Variants in METTL15 observed in about 807,000 individuals in gnomAD.
The protein encoded by METTL15 is 12S rRNA N(4)-cytidine methyltransferase METTL15.
A neutral mutation model predicts 38.3 loss-of-function variants in METTL15; 34 were observed. The observed-to-expected ratio is 0.89, with a 90% CI of 0.68 to 1.18. The LOEUF (loss-of-function observed/expected upper bound fraction) is 1.18. METTL15 is among the 50% of genes most tolerant of loss of function. METTL15 has a pLI of 0.00. For missense variants in METTL15, 438 were observed against 498.4 expected, an observed-to-expected ratio of 0.88 and a Z score of 1.15; for synonymous variants, 162 against 170.9, an observed-to-expected ratio of 0.95 and a Z score of 0.41.
At chr11:28,163,781 G>A in intron 3 of METTL15, 1 of 210,750 alleles carries the variant, frequency 4.7e-6, no homozygotes, top group African/African-American at 2.3e-5. Flanking sequence ...TCTGTAGCCT[G>A]GAAGCTTTTT....
intron 6 of METTL15, among the ~76,000 whole-genome samples, chr11:28,445,260 A>G (rs1851065764): frequency 6.6e-6 from 1 of 152,218 alleles, no homozygotes; most frequent in South Asian, 2.1e-4. Context: ...ACTTGTAAGA[A>G]TAGTGCAAAG....
intron 4 of METTL15, among the ~76,000 whole-genome samples, chr11:28,247,552 G>T (rs1385956263): frequency 6.6e-6 from 1 of 152,044 alleles, no homozygotes; most frequent in Non-Finnish European, 1.5e-5. Flanking sequence ...CAGTCAATTT[G>T]CATCTTTTGT....
chr11:28,502,056 T>A (rs1006641792), intron 6 of METTL15, among the ~76,000 whole-genome samples: 10 of 146,904 alleles, frequency 6.8e-5, no homozygotes, highest in African/African-American at 2.3e-4. Context: ...AGCGGAGATC[T>A]CGCCACTGCA....
At position 28,123,785 on chromosome 11, in the gene METTL15, A is replaced by G. The variant is rs369377316; in HGVS notation, c.270+10181A>G. On this transcript the variant is annotated intron_variant, in intron 3 of 6. Coordinates refer to ENST00000407364, the MANE Select transcript of METTL15 (RefSeq NM_001113528.2). ...TCCTATTTGGCCTGTGTCATCTGTAATAGGTTTCTATATAATTAAATTTCA... is the reference window on the plus strand; with the variant it reads ...TCCTATTTGGCCTGTGTCATCTGTAGTAGGTTTCTATATAATTAAATTTCA... The G allele has an allele frequency of 4.7e-5, 51 of 1,092,816 alleles. No individual in the cohort carries two copies. In the East Asian group the frequency reaches 1.2e-3, roughly 26 times the overall value. 67.7% of individuals were successfully genotyped at this position (1,092,816 alleles called of 1,614,324 possible). A position where few individuals can be genotyped will look rare whatever the true frequency, so the allele number is the denominator to read the frequency against.
intron 3 of METTL15, among the ~76,000 whole-genome samples, chr11:28,151,357 T>G (rs1250187686): frequency 1.3e-5 from 2 of 151,962 alleles, no homozygotes; most frequent in African/African-American, 2.4e-5. Context: ...TCAATATATC[T>G]TTTAATTTAC....
chr11:28,190,426 T>G (rs1318743052), intron 3 of METTL15, among the ~76,000 whole-genome samples: 1 of 151,258 alleles, frequency 6.6e-6, no homozygotes, highest in African/African-American at 2.4e-5. Context: ...AATGAGTTAT[T>G]TCAAGACTAC....
chr11:28,506,560 T>G (rs1851628663), intron 6 of METTL15, among the ~76,000 whole-genome samples: 1 of 152,182 alleles, frequency 6.6e-6, no homozygotes, highest in Non-Finnish European at 1.5e-5. Context: ...TCAATATTTA[T>G]GCCTAACCCA....
At chr11:28,257,210 C>T (rs1402791986) in intron 4 of METTL15, among the ~76,000 whole-genome samples, 1 of 152,176 alleles carries the variant, frequency 6.6e-6, no homozygotes, top group Non-Finnish European at 1.5e-5. Context: ...CTTCATGCCA[C>T]TCTTGCCTGG....
At chr11:28,365,861 C>G (rs957391443) in intron 5 of METTL15, among the ~76,000 whole-genome samples, 1 of 152,042 alleles carries the variant, frequency 6.6e-6, no homozygotes, top group Non-Finnish European at 1.5e-5. Flanking sequence ...ACCTTCCTGG[C>G]TAACATGGTG....
At chr11:28,210,886 C>G (rs567164796) in intron 3 of METTL15, among the ~76,000 whole-genome samples, 176 bp from the exon 4 acceptor site, 5 of 151,956 alleles carry the variant, frequency 3.3e-5, no homozygotes, top group Non-Finnish European at 7.4e-5. Flanking sequence ...ACTTATCACT[C>G]ATAATTGAGC....
chr11:28,289,857 A>G (rs1265593879), intron 4 of METTL15, among the ~76,000 whole-genome samples: 2 of 152,134 alleles, frequency 1.3e-5, no homozygotes, highest in African/African-American at 2.4e-5. Context: ...ATAGAATGAC[A>G]TATGCTTTTT....
intron 4 of METTL15, among the ~76,000 whole-genome samples, chr11:28,250,370 A>G (rs1300168411): frequency 6.6e-6 from 1 of 151,914 alleles, no homozygotes; most frequent in African/African-American, 2.4e-5. Context: ...TTTCTCTCCA[A>G]CCTTACTAGC....
chr11:28,215,594 C>T (rs1287643194), intron 4 of METTL15, among the ~76,000 whole-genome samples: 1 of 151,836 alleles, frequency 6.6e-6, no homozygotes, highest in Non-Finnish European at 1.5e-5. Flanking sequence ...CACAACAGCT[C>T]CTAAAATTGT....
At chr11:28,300,131 G>T (rs1194195591) in intron 6 of METTL15, among the ~76,000 whole-genome samples, 1 of 152,054 alleles carries the variant, frequency 6.6e-6, no homozygotes, top group Non-Finnish European at 1.5e-5. Context: ...CATGAATTGT[G>T]GGGGACTCTA....
chr11:28,398,059 A>T (rs990949629), intron 5 of METTL15, among the ~76,000 whole-genome samples: 3 of 151,836 alleles, frequency 2.0e-5, no homozygotes, highest in Admixed American at 6.6e-5. Flanking sequence ...TGGACCAGGA[A>T]GGGGAATATC....
At chr11:28,501,024 T>C (rs928316774) in intron 6 of METTL15, among the ~76,000 whole-genome samples, 1 of 152,222 alleles carries the variant, frequency 6.6e-6, no homozygotes, top group South Asian at 2.1e-4. Context: ...GGAACTAATA[T>C]ACTAAATATC....
chr11:28,430,062 G>A (rs1356998794), intron 6 of METTL15, among the ~76,000 whole-genome samples: 3 of 142,008 alleles, frequency 2.1e-5, no homozygotes, highest in Admixed American at 1.4e-4. Flanking sequence ...CCATCTGGGA[G>A]GTGAGGAGCG....
At chr11:28,503,729 T>G (rs1260808549) in intron 6 of METTL15, among the ~76,000 whole-genome samples, 1 of 150,464 alleles carries the variant, frequency 6.6e-6, no homozygotes, top group Non-Finnish European at 1.5e-5. Flanking sequence ...AGGCGGAGGA[T>G]GCAGTGAGCC....
At chr11:28,429,153 T>G (rs1441976291) in intron 6 of METTL15, among the ~76,000 whole-genome samples, 1 of 152,156 alleles carries the variant, frequency 6.6e-6, no homozygotes, top group African/African-American at 2.4e-5. Context: ...GGTTTCTCAG[T>G]CTGAGTATCT....
Sources: allele counts gnomAD v4.1 joint callset (sites outside exome capture counted in the v4.1 genomes callset), GRCh38; gene constraint gnomAD v4.1.1; transcripts MANE v1.5; gene names NCBI Gene and HGNC (gene_info 2026-07-23, HGNC 2026-07-21).